SCAI: variants seen among roughly 807,000 people sequenced by gnomAD.
SCAI encodes suppressor of cancer cell invasion, also known as protein SCAI.
In SCAI, 24 loss-of-function variants were observed where a neutral mutation model predicts 92.2. The ratio of observed to expected loss-of-function variants is 0.26; its 90% CI spans 0.19 to 0.37. SCAI has a LOEUF of 0.37. SCAI is among the 10% of genes least tolerant of loss of function. SCAI has a pLI of 1.00. For missense variants in SCAI, 450 were observed against 736.2 expected (o/e 0.61, Z 4.50); for synonymous variants, 261 against 258.6 (o/e 1.01, Z -0.09).
intron 2 of SCAI, among the ~76,000 whole-genome samples, chr9:125,083,390 C>T (rs1054161073): frequency 2.0e-5 from 3 of 151,818 alleles, no homozygotes; most frequent in African/African-American, 2.4e-5. Flanking sequence ...TGGTGGTGTG[C>T]GCCTGTAATC....
At chr9:125,084,449 C>T (rs1001598072) in intron 2 of SCAI, among the ~76,000 whole-genome samples, 3 of 151,872 alleles carry the variant, frequency 2.0e-5, no homozygotes, top group African/African-American at 7.3e-5. Context: ...GGATTACAGG[C>T]GCCAGCCACC....
intron 2 of SCAI, among the ~76,000 whole-genome samples, chr9:125,095,873 AGG>A (rs1032056377): frequency 2.6e-5 from 4 of 152,240 alleles, no homozygotes; most frequent in African/African-American, 9.6e-5. Context: ...GCCACCATAA[AGG>A]CCCTGGGAGG....
intron 4 of SCAI, 100 bp downstream of exon 4, chr9:125,029,540 AAAAG>A: frequency 1.7e-6 from 1 of 574,196 alleles, no homozygotes; most frequent in Admixed American, 3.4e-5. Flanking sequence ...TTGGTGAAAA[AAAAG>A]AAAAAGCACC....
chr9:125,031,264 C>CTT (rs113773224), intron 3 of SCAI, among the ~76,000 whole-genome samples: 3 of 144,114 alleles, frequency 2.1e-5, no homozygotes, highest in Admixed American at 7.0e-5. Context: ...ATTGAGGTCA[C>CTT]TTTTTTTTTT....
At chr9:125,009,124 G>C (rs1014005164) in intron 9 of SCAI, among the ~76,000 whole-genome samples, 1 of 151,168 alleles carries the variant, frequency 6.6e-6, no homozygotes, top group Admixed American at 6.6e-5. Flanking sequence ...AGTTAAAAAA[G>C]AAATAAGAAA....
chr9:125,013,614 G>C (rs1403803831), intron 9 of SCAI, among the ~76,000 whole-genome samples: 1 of 152,158 alleles, frequency 6.6e-6, no homozygotes, highest in African/African-American at 2.4e-5. Flanking sequence ...AGAGGAACTG[G>C]TACCATTCCT....
chr9:124,987,171 G>C (rs981621460), intron 14 of SCAI, among the ~76,000 whole-genome samples: 1 of 152,042 alleles, frequency 6.6e-6, no homozygotes. Flanking sequence ...TTACAGGCAT[G>C]TGCCACCATG....
chr9:124,989,549 C>T lies in SCAI; in HGVS notation c.1326+5385G>A, dbSNP rs143403434. Among the ~76,000 whole-genome samples, 879 of 152,160 alleles carry T rather than the reference C, an allele frequency of 5.8e-3. 9 individuals are homozygous for T. Among genetic ancestry groups the T allele is most frequent in the African/African-American group, 0.02 (815 of 41,500 alleles). On this transcript the variant is annotated intron_variant, in intron 14 of 17. Coordinates refer to ENST00000336505, the MANE Select transcript of SCAI (RefSeq NM_001144877.3). ...TGAGCCGATATCACATCACTGCACTCCAGCCTGGGTGACAAGAGTGAGACT... is the reference window on the plus strand; with the variant it reads ...TGAGCCGATATCACATCACTGCACTTCAGCCTGGGTGACAAGAGTGAGACT...
chr9:124,947,929 T>C lies in SCAI; in HGVS notation c.*4878A>G, dbSNP rs953125059. On this transcript the variant is annotated 3_prime_UTR_variant, in exon 18 of 18. Transcript: ENST00000336505. ...GCAGACCTTGGTACCTGACTATATT[T>C]CCAGTCCAGAGTGTTCTCTGTATAT... The C allele has an allele frequency of 6.6e-6, 1 of 152,214 alleles. No homozygotes were observed. The highest frequency in any genetic ancestry group is 1.5e-5 in the Non-Finnish European group (1 of 68,034). 9.4% of individuals were successfully genotyped at this position (152,214 alleles called of 1,614,324 possible). A position where few individuals can be genotyped will look rare whatever the true frequency, so the allele number is the denominator to read the frequency against.
intron 3 of SCAI, among the ~76,000 whole-genome samples, chr9:125,048,740 AATTTTAT>A (rs1833498030): frequency 7.3e-6 from 1 of 137,364 alleles, no homozygotes; most frequent in Non-Finnish European, 1.6e-5. Flanking sequence ...TTATTTATTT[AATTTTAT>A]TTTTATTTTA....
chr9:124,997,961 T>TA (rs1219221786), intron 13 of SCAI, among the ~76,000 whole-genome samples: 3 of 152,142 alleles, frequency 2.0e-5, no homozygotes, highest in East Asian at 1.9e-4. Context: ...TTTTTGCATT[T>TA]AAAAAAATTT....
At chr9:124,956,375 C>T (rs539599250) in intron 17 of SCAI, among the ~76,000 whole-genome samples, 22 of 152,280 alleles carry the variant, frequency 1.4e-4, no homozygotes, top group African/African-American at 4.8e-4. Context: ...TGCGCCACCA[C>T]GCCTGGCTAA....
Position 124,952,728 on chromosome 9 carries a change from G to GCA in SCAI, c.*78_*79insTG. 5.1e-6 allele frequency: 6 copies of GCA among 1,167,336 alleles called. No homozygotes were observed. The highest frequency in any genetic ancestry group is 7.4e-6 in the Non-Finnish European group (6 of 814,364). 72.3% of individuals were successfully genotyped at this position (1,167,336 alleles called of 1,614,324 possible). On this transcript the variant is annotated 3_prime_UTR_variant, in exon 18 of 18. Coordinates refer to ENST00000336505, the MANE Select transcript of SCAI (RefSeq NM_001144877.3). The stretch of plus-strand genomic sequence containing the variant: ...AATAAAAACTAAGTAACACCACTAT[G>GCA]TGTCTTATCACGTTAGAAAACTGCA...
rs1220876684 is a variant in SCAI, at chr9:125,099,245, G to A, written c.99-43238C>T. Among the ~76,000 whole-genome samples, 2 of 151,560 alleles carry A rather than the reference G, an allele frequency of 1.3e-5. 1 individual carries two copies. The highest frequency in any genetic ancestry group is 4.1e-4 in the South Asian group (2 of 4,828). On this transcript the variant is annotated intron_variant, in intron 2 of 17. Transcript: ENST00000336505. ...TTCCCCAAATTAAACTAAGCATGAT[G>A]TAATTCCTATAGAATTTTGTTATGA... is the stretch of plus-strand genomic sequence containing the variant.
chr9:125,073,092 A>ATTTTTTTTTTTTTTTTTT (rs764858681), intron 2 of SCAI, among the ~76,000 whole-genome samples: 9 of 72,478 alleles, frequency 1.2e-4, no homozygotes, highest in African/African-American at 3.8e-4. Context: ...TCTATTTTTA[A>ATTTTTTTTTTTTTTTTTT]TTTTTTTTTT....
At chr9:125,101,533 A>C (rs1049630776) in intron 2 of SCAI, among the ~76,000 whole-genome samples, 3 of 152,184 alleles carry the variant, frequency 2.0e-5, no homozygotes, top group Non-Finnish European at 4.4e-5. Flanking sequence ...TGAGACCTCC[A>C]GACATGTCTG....
intron 2 of SCAI, among the ~76,000 whole-genome samples, chr9:125,069,944 C>T (rs1833948010): frequency 6.6e-6 from 1 of 152,052 alleles, no homozygotes; most frequent in South Asian, 2.1e-4. Context: ...TTTTAAAAAA[C>T]ATACAAAGAG....
chr9:124,982,636 T>C (rs1831909425), intron 14 of SCAI, among the ~76,000 whole-genome samples: 1 of 141,880 alleles, frequency 7.0e-6, no homozygotes, highest in Non-Finnish European at 1.5e-5. Flanking sequence ...GCTGAGAACA[T>C]GTCACTGCAT....
intron 7 of SCAI, among the ~76,000 whole-genome samples, chr9:125,019,626 C>T (rs1052693266): frequency 2.6e-5 from 4 of 151,852 alleles, no homozygotes; most frequent in African/African-American, 9.7e-5. Flanking sequence ...ATAGTGAGAC[C>T]CTACCACTAC....
Sources: gnomAD v4.1 joint callset for allele counts (sites outside exome capture counted in the v4.1 genomes callset) on GRCh38, gnomAD v4.1.1 for gene constraint, MANE v1.5 for transcripts, NCBI Gene and HGNC (gene_info 2026-07-23, HGNC 2026-07-21) for gene names.